Variants in MET observed in about 807,000 individuals in gnomAD.
MET encodes the protein hepatocyte growth factor receptor.
In MET, 48 loss-of-function variants were observed where a neutral mutation model predicts 133.1. The observed-to-expected ratio is 0.36, with a 90% CI of 0.29 to 0.46. The LOEUF (loss-of-function observed/expected upper bound fraction) is 0.46. Among genes scored for constraint, MET ranks in the 20% least tolerant of loss-of-function variants. The pLI is 1.00. For missense variants in MET, 1,442 were observed against 1,695.9 expected (o/e 0.85, Z 2.63); for synonymous variants, 628 against 616.5 (o/e 1.02, Z -0.28).
chr7:116,763,013 T>C (rs1794455304), intron 10 of MET, 37 bp from the exon 11 acceptor site: 1 of 1,545,424 alleles, frequency 6.5e-7, no homozygotes, highest in African/African-American at 1.4e-5. Context: ...TGCCAAGCTG[T>C]ATTCTGTTTA....
At chr7:116,689,559 C>CTTTTTTTTTTTTTTTT (rs534819031) in intron 1 of MET, among the ~76,000 whole-genome samples, 1 of 94,774 alleles carries the variant, frequency 1.1e-5, no homozygotes, top group African/African-American at 4.5e-5. Context: ...TGGGCTTACT[C>CTTTTTTTTTTTTTTTT]TTTTTTTTTT....
At position 116,703,378 on chromosome 7, in the gene MET, CT is replaced by C. The variant is rs201287489; in HGVS notation, c.1200+3097del. 6.4e-3 allele frequency among the ~76,000 whole-genome samples: 973 copies of C among 152,284 alleles called. 11 individuals are homozygous for C. The highest frequency in any genetic ancestry group is 0.021 in the African/African-American group (874 of 41,576). Reference sequence around the variant, plus strand: ...ATCTGTTTAATATCTTTACCTCCTCCTTTACCCATTCATCAATCAACCTCTA... The same window carrying C: ...ATCTGTTTAATATCTTTACCTCCTCCTTACCCATTCATCAATCAACCTCTA... On this transcript the variant is annotated intron_variant, in intron 2 of 20. Coordinates refer to ENST00000397752, the MANE Select transcript of MET (RefSeq NM_000245.4).
In MET at chr7:116,797,113, G is replaced by C. The variant is rs1481637404; in HGVS notation, c.*989G>C. 3 of 196,376 alleles carry C rather than the reference G, an allele frequency of 1.5e-5. No homozygotes were observed. The highest frequency in any genetic ancestry group is 1.9e-4 in the South Asian group (1 of 5,196). 12.2% of individuals were successfully genotyped at this position (196,376 alleles called of 1,614,324 possible). A position where few individuals can be genotyped will look rare whatever the true frequency, so the allele number is the denominator to read the frequency against. ...TTTAGTTGTCATATAAAAACCCACT[G>C]TTTGAGAATGATGCTACTCTGATCT... is the stretch of plus-strand genomic sequence containing the variant. On this transcript the variant is annotated 3_prime_UTR_variant, in exon 21 of 21. Coordinates refer to ENST00000397752, the MANE Select transcript of MET (RefSeq NM_000245.4).
At chr7:116,781,355 C>A (rs1227046289) in intron 17 of MET, among the ~76,000 whole-genome samples, 1 of 152,204 alleles carries the variant, frequency 6.6e-6, no homozygotes, top group East Asian at 1.9e-4. Flanking sequence ...TGGCAGTTGT[C>A]TCCTGTTCTG....
At chr7:116,778,611 C>T (rs1178899349) in intron 16 of MET, among the ~76,000 whole-genome samples, 165 bp from the exon 17 acceptor site, 2 of 152,174 alleles carry the variant, frequency 1.3e-5, no homozygotes, top group East Asian at 3.8e-4. Context: ...TGCACGGTGG[C>T]ATCATTCACT....
intron 2 of MET, among the ~76,000 whole-genome samples, chr7:116,703,970 TA>T (rs1791676280): frequency 1.3e-5 from 2 of 152,296 alleles, no homozygotes; most frequent in South Asian, 4.1e-4. Flanking sequence ...GCTCTATAGA[TA>T]AGCATTTGAA....
rs527496385 is a variant in MET, at chr7:116,796,200, C to T, written c.*76C>T. 132 of 1,372,488 alleles carry T rather than the reference C, an allele frequency of 9.6e-5. No homozygotes were observed. The highest frequency in any genetic ancestry group is 9.4e-4 in the South Asian group (81 of 85,892). 85.0% of individuals were successfully genotyped at this position (1,372,488 alleles called of 1,614,324 possible). On this transcript the variant is annotated 3_prime_UTR_variant, in exon 21 of 21. Transcript: ENST00000397752. ...CACTGCCTGACCTTTAAAAGGCCATCGATATTCTTTGCTCTTGCCAAAATT... is the reference window on the plus strand; with the variant it reads ...CACTGCCTGACCTTTAAAAGGCCATTGATATTCTTTGCTCTTGCCAAAATT...
intron 5 of MET, among the ~76,000 whole-genome samples, chr7:116,748,172 A>T (rs1233143350): frequency 6.6e-6 from 1 of 152,198 alleles, no homozygotes; most frequent in Non-Finnish European, 1.5e-5. Context: ...TGAACCCAGG[A>T]GGCGGAGCTT....
In MET at chr7:116,771,933, C is replaced by T. The variant is rs2116996927; in HGVS notation, c.2972C>T (p.Pro991Leu). The T allele has an allele frequency of 6.2e-7, 1 of 1,613,874 alleles. No homozygotes were observed. The highest frequency in any genetic ancestry group is 8.5e-7 in the Non-Finnish European group (1 of 1,179,872). Residue 991 changes from proline to leucine, a missense_variant, in exon 14 of 21, where the codon CCA becomes CTA. This residue lies in a region of MET where 514 missense variants were observed against 659.6 expected (regional missense o/e 0.78). Transcript: ENST00000397752. The part of the protein sequence containing the change: ...DRLVSARSVS[P>L]TTEMVSNESV... ...CTTGTAAGTGCCCGAAGTGTAAGCC[C>T]AACTACAGAAATGGTTTCAAATGAA...
At chr7:116,737,219 A>C (rs938141546) in intron 3 of MET, among the ~76,000 whole-genome samples, 14 of 152,024 alleles carry the variant, frequency 9.2e-5, no homozygotes, top group Admixed American at 5.9e-4. Context: ...AGCAAGCAAC[A>C]CTCATGCTAA....
chr7:116,694,832 A>G (rs1232960075), intron 1 of MET, among the ~76,000 whole-genome samples: 1 of 151,762 alleles, frequency 6.6e-6, no homozygotes, highest in Admixed American at 6.6e-5. Context: ...GATTACAGGC[A>G]TGCGCCACCA....
chr7:116,674,888 C>A (rs996492493), intron 1 of MET, among the ~76,000 whole-genome samples: 1 of 152,064 alleles, frequency 6.6e-6, no homozygotes, highest in Non-Finnish European at 1.5e-5. Context: ...GTCTAAATCC[C>A]TAAGATTTCC....
At position 116,679,224 on chromosome 7, in the gene MET, T is replaced by C. The variant is rs183682632; in HGVS notation, c.-15+6647T>C. ...TTGTAGAGTGTTGAATGACTCTTTC[T>C]TCTGCCCAGAAACTTCTAGCTAATG... On this transcript the variant is annotated intron_variant, in intron 1 of 20. Coordinates refer to ENST00000397752, the MANE Select transcript of MET (RefSeq NM_000245.4). Among the ~76,000 whole-genome samples, 190 of 152,306 alleles carry C rather than the reference T, an allele frequency of 1.2e-3. 1 individual carries two copies. The highest frequency in any genetic ancestry group is 4.3e-3 in the African/African-American group (178 of 41,566).
rs2116600156 is a variant in MET, at chr7:116,699,966, G to A, written c.882G>A (p.Met294Ile). Residue 294 changes from methionine to isoleucine, a missense_variant, in exon 2 of 21, where the codon ATG (methionine) becomes ATA (isoleucine). Physicochemically the swap from Met to Ile is conservative, Grantham distance 10. This residue lies in a region of MET where 762 missense variants were observed against 792.4 expected (regional missense o/e 0.96). Transcript: ENST00000397752. ...INSGLHSYME[M>I]PLECILTEKR... ...CTGGATTGCATTCCTACATGGAAAT[G>A]CCTCTGGAGTGTATTCTCACAGAAA... 6.2e-7 allele frequency: 1 copy of A among 1,614,038 alleles called. No homozygotes were observed. The highest frequency in any genetic ancestry group is 8.5e-7 in the Non-Finnish European group (1 of 1,179,962).
At chr7:116,750,726 T>A (rs551681261) in intron 5 of MET, among the ~76,000 whole-genome samples, 238 of 151,962 alleles carry the variant, frequency 1.6e-3, no homozygotes, top group Middle Eastern at 3.4e-3. Context: ...TTAAACAAAT[T>A]TACAAGGAAA....
rs1793013042 is a variant in MET at position 116,731,741 on chromosome 7, A to T, written c.1274A>T (p.Gln425Leu). 6.2e-7 allele frequency: 1 copy of T among 1,614,152 alleles called. No individual in the cohort carries two copies. The highest frequency in any genetic ancestry group is 8.5e-7 in the Non-Finnish European group (1 of 1,180,006). Residue 425 changes from glutamine (Q) to leucine (L), a missense_variant, in exon 3 of 21, where the codon CAG (glutamine) becomes CTG (leucine). Around this residue, in one of 6 missense-constraint regions of MET, gnomAD observed 762 missense variants for 792.4 expected, o/e 0.96. Transcript: ENST00000397752. ...CGAACAGAGTTTACCACAGCTTTGC[A>T]GCGCGTTGACTTATTCATGGGTCAA... ...EYRTEFTTALQRVDLFMGQFS... is the reference protein window; with the variant it reads ...EYRTEFTTALLRVDLFMGQFS...
At chr7:116,779,353 T>C (rs1795087121) in intron 17 of MET, among the ~76,000 whole-genome samples, 1 of 152,224 alleles carries the variant, frequency 6.6e-6, no homozygotes, top group Non-Finnish European at 1.5e-5. Context: ...TGCTGTTCCT[T>C]GTCCTTGCCA....
chr7:116,758,712 T>A, intron 9 of MET, 92 bp downstream of exon 9: 1 of 1,251,462 alleles, frequency 8.0e-7, no homozygotes, highest in Non-Finnish European at 1.2e-6. Context: ...GTTTTATCTC[T>A]GGCTTTGATG....
intron 1 of MET, 121 bp from the exon 2 acceptor site, chr7:116,698,950 C>A: frequency 1.4e-6 from 2 of 1,383,946 alleles, no homozygotes; most frequent in South Asian, 2.6e-5. Context: ...TTTTTGTTTT[C>A]CTTCTATGTA....
Sources: allele counts gnomAD v4.1 joint callset (sites outside exome capture counted in the v4.1 genomes callset), GRCh38; gene constraint gnomAD v4.1.1; regional missense constraint gnomAD v4.1.1; transcripts MANE v1.5; gene names NCBI Gene and HGNC (gene_info 2026-07-23, HGNC 2026-07-21).